PTPRD: variants seen among roughly 807,000 people sequenced by gnomAD.
PTPRD encodes the protein receptor-type tyrosine-protein phosphatase delta.
A neutral mutation model predicts 214.5 loss-of-function variants in PTPRD; 34 were observed. The observed-to-expected ratio is 0.16, with a 90% confidence interval of 0.12 to 0.21. The LOEUF is 0.21. Ranked by LOEUF, PTPRD falls within the 10% of genes least tolerant of loss-of-function variation. The pLI is 1.00. For synonymous variants in PTPRD, 1,128 were observed against 845.7 expected, an observed-to-expected ratio of 1.33 and a Z score of -5.79; for missense variants, 2,545 against 2,398.7, an observed-to-expected ratio of 1.06 and a Z score of -1.27.
chr9:8,581,341 A>G (rs946720032), intron 14 of PTPRD, among the ~76,000 whole-genome samples: 1 of 152,226 alleles, frequency 6.6e-6, no homozygotes, highest in African/African-American at 2.4e-5. Flanking sequence ...AAAAGGGAGG[A>G]CTGACAGAAC....
rs557086630 is a variant in PTPRD, at chr9:8,856,431, T to C, written c.-103-122485A>G. Among the ~76,000 whole-genome samples, 4 of 152,292 alleles carry C rather than the reference T, an allele frequency of 2.6e-5. No individual in the cohort carries two copies. In the South Asian group the frequency reaches 8.3e-4, roughly 32 times the overall value. On this transcript the variant is annotated intron_variant, in intron 11 of 45. Transcript: ENST00000381196. ...AAGTCCACATTTGTAGCTCAGTAAA[T>C]TTAACAGCAAACCTATTTCAAGTCA... is the stretch of plus-strand genomic sequence containing the variant.
chr9:9,712,586 C>T (rs1158610047), intron 7 of PTPRD, among the ~76,000 whole-genome samples: 1 of 152,150 alleles, frequency 6.6e-6, no homozygotes, highest in Non-Finnish European at 1.5e-5. Context: ...TGGCAGACGG[C>T]AGATCTTGCT....
At chr9:10,500,467 A>G (rs986429650) in intron 2 of PTPRD, among the ~76,000 whole-genome samples, 2 of 151,978 alleles carry the variant, frequency 1.3e-5, no homozygotes, top group African/African-American at 4.8e-5. Flanking sequence ...AAATATGTTG[A>G]TACTGGCATG....
At chr9:9,577,613 G>T (rs2089327615) in intron 7 of PTPRD, among the ~76,000 whole-genome samples, 1 of 151,962 alleles carries the variant, frequency 6.6e-6, no homozygotes, top group South Asian at 2.1e-4. Context: ...TTAACACGAT[G>T]TGCATAAATA....
intron 2 of PTPRD, among the ~76,000 whole-genome samples, chr9:10,410,307 T>C (rs1038258398): frequency 1.1e-4 from 15 of 136,282 alleles, no homozygotes; most frequent in Admixed American, 1.6e-4. Flanking sequence ...ATATAATATA[T>C]ATATAAAACA....
At position 8,454,857 on chromosome 9, in the gene PTPRD, G is replaced by A. The variant is rs181772067; in HGVS notation, c.3876-5020C>T. ...GTGTGTGTGTGTGTGTGAATGCCAC[G>A]TGCACTTTTATCCATCACCTATAAA... is the stretch of plus-strand genomic sequence containing the variant. On this transcript the variant is annotated intron_variant, in intron 33 of 45. Coordinates refer to ENST00000381196, the MANE Select transcript of PTPRD (RefSeq NM_002839.4). 6.2e-3 allele frequency among the ~76,000 whole-genome samples: 942 copies of A among 150,968 alleles called. 5 individuals carry two copies. Among genetic ancestry groups the A allele is most frequent in the Non-Finnish European group, 0.011 (737 of 67,784 alleles).
At chr9:9,575,901 T>G (rs547319454) in intron 7 of PTPRD, among the ~76,000 whole-genome samples, 1 of 152,046 alleles carries the variant, frequency 6.6e-6, no homozygotes, top group Admixed American at 6.6e-5. Flanking sequence ...ATAGATACTA[T>G]TTTATATGAA....
At chr9:10,123,563 G>C (rs1034880706) in intron 3 of PTPRD, among the ~76,000 whole-genome samples, 2 of 152,016 alleles carry the variant, frequency 1.3e-5, no homozygotes, top group African/African-American at 4.8e-5. Flanking sequence ...GAACCATCTT[G>C]TTATATAACT....
chr9:10,221,239 A>T (rs1250386187), intron 3 of PTPRD, among the ~76,000 whole-genome samples: 1 of 151,976 alleles, frequency 6.6e-6, no homozygotes, highest in Non-Finnish European at 1.5e-5. Context: ...TAAATTACAG[A>T]ATTTGGGTAC....
At chr9:10,300,379 C>T (rs1017131777) in intron 3 of PTPRD, among the ~76,000 whole-genome samples, 2 of 152,088 alleles carry the variant, frequency 1.3e-5, no homozygotes, top group African/African-American at 4.8e-5. Flanking sequence ...AGTTTTCATA[C>T]CCCAGTGGCA....
intron 3 of PTPRD, among the ~76,000 whole-genome samples, chr9:10,105,988 C>A (rs2098627088): frequency 1.9e-5 from 1 of 52,382 alleles, no homozygotes; most frequent in African/African-American, 7.4e-5. Flanking sequence ...AAAACAAGAA[C>A]AAGAATCCTG....
At chr9:9,302,893 T>C (rs993761932) in intron 9 of PTPRD, among the ~76,000 whole-genome samples, 21 of 151,922 alleles carry the variant, frequency 1.4e-4, no homozygotes, top group African/African-American at 4.3e-4. Flanking sequence ...TGCAAATCTC[T>C]AGCACCCTGC....
chr9:8,848,211 A>G (rs1028661146), intron 11 of PTPRD, among the ~76,000 whole-genome samples: 12 of 151,810 alleles, frequency 7.9e-5, no homozygotes, highest in African/African-American at 2.9e-4. Flanking sequence ...TGGTAAAAAA[A>G]TGTTTTTTTC....
chr9:10,493,267 C>CA (rs1384818019), intron 2 of PTPRD, among the ~76,000 whole-genome samples: 1 of 151,752 alleles, frequency 6.6e-6, no homozygotes, highest in Non-Finnish European at 1.5e-5. Context: ...CACATGGAAC[C>CA]AAAAAAAGAA....
At chr9:9,691,047 T>C (rs1047226200) in intron 7 of PTPRD, among the ~76,000 whole-genome samples, 3 of 151,948 alleles carry the variant, frequency 2.0e-5, no homozygotes, top group Non-Finnish European at 2.9e-5. Flanking sequence ...TATATACTTA[T>C]GGTGTACACG....
intron 9 of PTPRD, among the ~76,000 whole-genome samples, chr9:9,355,873 C>T (rs914831888): frequency 6.6e-6 from 1 of 151,250 alleles, no homozygotes; most frequent in African/African-American, 2.4e-5. Context: ...ACCAGTGAAA[C>T]AGAAGAAAAG....
At chr9:9,203,837 A>G (rs1292595209) in intron 9 of PTPRD, among the ~76,000 whole-genome samples, 1 of 152,242 alleles carries the variant, frequency 6.6e-6, no homozygotes, top group Non-Finnish European at 1.5e-5. Flanking sequence ...TATGTAGAAA[A>G]TGGCTATTTT....
chr9:9,073,760 C>A (rs930998361), intron 10 of PTPRD, among the ~76,000 whole-genome samples: 2 of 152,118 alleles, frequency 1.3e-5, no homozygotes, highest in African/African-American at 4.8e-5. Flanking sequence ...ATATGTATAT[C>A]CTATTGTGCC....
intron 7 of PTPRD, among the ~76,000 whole-genome samples, chr9:9,677,930 C>G (rs2096970021): frequency 1.3e-5 from 2 of 152,140 alleles, no homozygotes; most frequent in South Asian, 4.1e-4. Flanking sequence ...CAATAACAGA[C>G]AAACAGAGAG....
Sources: allele counts gnomAD v4.1 joint callset (sites outside exome capture counted in the v4.1 genomes callset), GRCh38; gene constraint gnomAD v4.1.1; transcripts MANE v1.5; gene names NCBI Gene and HGNC (gene_info 2026-07-23, HGNC 2026-07-21).